Variants in RNF38 observed in about 807,000 individuals in gnomAD.
The protein encoded by RNF38 is ring finger protein 38.
In RNF38, 15 loss-of-function variants were observed where a neutral mutation model predicts 67.2. That is an observed-to-expected ratio of 0.22 (90% CI 0.15 to 0.34). RNF38 has a LOEUF of 0.34. RNF38 is among the 10% of genes least tolerant of loss of function. The pLI, the probability that RNF38 is intolerant of heterozygous loss-of-function variation, is 1.00. For missense variants in RNF38, 524 were observed against 639.9 expected (o/e 0.82, Z 1.95); for synonymous variants, 220 against 218.8 (o/e 1.01, Z -0.05).
At chr9:36,440,282 C>G (rs777301390) in intron 1 of RNF38, among the ~76,000 whole-genome samples, 6 of 151,792 alleles carry the variant, frequency 4.0e-5, no homozygotes, top group Admixed American at 6.6e-5. Context: ...GTGGCTCACG[C>G]CTGTAACCTG....
At chr9:36,399,945 A>AAGTC (rs1837871928) in intron 1 of RNF38, 152 bp downstream of exon 1, 1 of 674,618 alleles carries the variant, frequency 1.5e-6, no homozygotes. Flanking sequence ...TTCATACGTT[A>AAGTC]AGTCCACCGC....
intron 3 of RNF38, among the ~76,000 whole-genome samples, chr9:36,371,010 A>G (rs548482181): frequency 1.3e-5 from 2 of 152,310 alleles, no homozygotes; most frequent in East Asian, 3.9e-4. Flanking sequence ...TATTGTGACT[A>G]AACTTTCATT....
chr9:36,365,152 G>A (rs925988887), intron 4 of RNF38, among the ~76,000 whole-genome samples: 3 of 151,970 alleles, frequency 2.0e-5, no homozygotes, highest in Non-Finnish European at 4.4e-5. Flanking sequence ...ATCTTCTCAA[G>A]TTACACCAAA....
At chr9:36,371,419 C>T (rs957316136) in intron 3 of RNF38, among the ~76,000 whole-genome samples, 3 of 151,142 alleles carry the variant, frequency 2.0e-5, no homozygotes, top group African/African-American at 7.3e-5. Flanking sequence ...GAATTCAAGA[C>T]GCCCTCCACC....
intron 1 of RNF38, among the ~76,000 whole-genome samples, chr9:36,439,790 CAAAAAA>C (rs1156589143): frequency 1.3e-5 from 1 of 76,352 alleles, no homozygotes; most frequent in Non-Finnish European, 2.6e-5. Context: ...GACTCTGTCT[CAAAAAA>C]AAAAAAAAAA....
At chr9:36,441,050 A>G (rs766995979) in intron 1 of RNF38, among the ~76,000 whole-genome samples, 2 of 152,198 alleles carry the variant, frequency 1.3e-5, no homozygotes, top group African/African-American at 2.4e-5. Flanking sequence ...TTTAACCCCA[A>G]TAGTGACTAT....
rs140872559 is a variant in RNF38 at position 36,353,625 on chromosome 9, C to T, written c.910-294G>A. Among the ~76,000 whole-genome samples, 20 of 152,256 alleles carry T rather than the reference C, an allele frequency of 1.3e-4. No individual in the cohort carries two copies. The East Asian group carries it at 1.5e-3, about 12-fold the overall frequency. The stretch of plus-strand genomic sequence containing the variant: ...TTAAAATGAGAAGGCAAAAAGTCAT[C>T]GAATAAGCCAATTATAGCAAAATTA... On this transcript the variant is annotated intron_variant, in intron 6 of 11. Coordinates refer to ENST00000259605, the MANE Select transcript of RNF38 (RefSeq NM_022781.5).
intron 4 of RNF38, among the ~76,000 whole-genome samples, chr9:36,360,962 C>T (rs575118478): frequency 5.2e-4 from 79 of 152,166 alleles, no homozygotes; most frequent in African/African-American, 1.3e-3. Flanking sequence ...CAAGTGCATG[C>T]GACCACACCC....
intron 1 of RNF38, among the ~76,000 whole-genome samples, chr9:36,483,380 C>CT (rs1840325987): frequency 7.0e-6 from 1 of 143,536 alleles, no homozygotes. Context: ...GAGCGAAACT[C>CT]TGTCTCAAAA....
At chr9:36,345,153 G>C (rs981083820) in intron 9 of RNF38, among the ~76,000 whole-genome samples, 200 bp from the exon 10 acceptor site, 4 of 152,044 alleles carry the variant, frequency 2.6e-5, no homozygotes, top group Non-Finnish European at 5.9e-5. Context: ...AGTATCTGGA[G>C]CTACAATTGC....
intron 2 of RNF38, among the ~76,000 whole-genome samples, chr9:36,413,682 G>A (rs1332406513): frequency 8.2e-6 from 1 of 121,604 alleles, no homozygotes; most frequent in East Asian, 2.3e-4. Flanking sequence ...TCAGCTCTTA[G>A]GTCTATTCCT....
chr9:36,445,581 G>T (rs1376492206), intron 1 of RNF38, among the ~76,000 whole-genome samples: 2 of 152,212 alleles, frequency 1.3e-5, no homozygotes, highest in East Asian at 3.9e-4. Flanking sequence ...TGGGATGAGA[G>T]AGAGTGAAAC....
chr9:36,487,668 A>C, upstream of RNF38: 3 of 587,336 alleles, frequency 5.1e-6, no homozygotes, highest in Non-Finnish European at 5.9e-6. Context: ...CGGCTCCCGA[A>C]GGGGGAGGAG....
At chr9:36,414,175 G>A (rs1225595367) in intron 2 of RNF38, among the ~76,000 whole-genome samples, 2 of 152,132 alleles carry the variant, frequency 1.3e-5, no homozygotes, top group African/African-American at 4.8e-5. Context: ...CAGATACTTG[G>A]TTGGTGAATT....
At chr9:36,443,502 C>T (rs902603804) in intron 1 of RNF38, among the ~76,000 whole-genome samples, 1 of 152,054 alleles carries the variant, frequency 6.6e-6, no homozygotes, top group Non-Finnish European at 1.5e-5. Context: ...TATTTATATG[C>T]ACAATACAAC....
At chr9:36,464,069 CAGG>C (rs1839801798) in intron 1 of RNF38, among the ~76,000 whole-genome samples, 1 of 151,866 alleles carries the variant, frequency 6.6e-6, no homozygotes, top group Non-Finnish European at 1.5e-5. Context: ...CAGGTTGAGG[CAGG>C]AGAATGGCGT....
At position 36,376,841 on chromosome 9, in the gene RNF38, G is replaced by A. The variant is rs569027994; in HGVS notation, c.163-714C>T. ...CTTGGGAGGTTGAGGCAGGAGAATC[G>A]CTTGAACCCAAGAGGCGGAGGTTGT... On this transcript the variant is annotated intron_variant, in intron 2 of 11. Transcript: ENST00000259605. Among the ~76,000 whole-genome samples, 200 of 150,030 alleles carry A rather than the reference G, an allele frequency of 1.3e-3. 2 individuals carry two copies. Among genetic ancestry groups the A allele is most frequent in the Non-Finnish European group, 2.3e-3 (154 of 67,826 alleles).
intron 1 of RNF38, among the ~76,000 whole-genome samples, chr9:36,467,388 C>G (rs1376888830): frequency 1.3e-5 from 2 of 151,052 alleles, no homozygotes; most frequent in African/African-American, 4.9e-5. Flanking sequence ...ATTCAAAATA[C>G]TTTGAATATC....
At position 36,339,732 on chromosome 9, in the gene RNF38, A is replaced by G; in HGVS notation, c.*20T>C. 6.2e-7 allele frequency: 1 copy of G among 1,603,912 alleles called. No individual in the cohort carries two copies. Among genetic ancestry groups the G allele is most frequent in the Non-Finnish European group, 8.5e-7 (1 of 1,171,920 alleles). On this transcript the variant is annotated 3_prime_UTR_variant, in exon 12 of 12. Coordinates refer to ENST00000259605, the MANE Select transcript of RNF38 (RefSeq NM_022781.5). ...ATGTGATGAGGAACACCCAAACTAA[A>G]TTTGTGCTTCTTAGGTTGGTCATTC...
Sources: allele counts gnomAD v4.1 joint callset (sites outside exome capture counted in the v4.1 genomes callset), GRCh38; gene constraint gnomAD v4.1.1; transcripts MANE v1.5; gene names NCBI Gene and HGNC (gene_info 2026-07-23, HGNC 2026-07-21).